GRAMD4: variants seen among roughly 807,000 people sequenced by gnomAD.
GRAMD4 encodes the protein GRAM domain containing 4, also known as GRAM domain-containing protein 4.
In GRAMD4, 25 loss-of-function variants were observed where a neutral mutation model predicts 83.9. The observed-to-expected ratio is 0.30, with a 90% CI of 0.22 to 0.42. The LOEUF is 0.42. Ranked by LOEUF, GRAMD4 falls within the 10% of genes least tolerant of loss-of-function variation. The pLI is 1.00. For missense variants in GRAMD4, 593 were observed against 788.7 expected, an observed-to-expected ratio of 0.75 and a Z score of 2.97; for synonymous variants, 336 against 320.9, an observed-to-expected ratio of 1.05 and a Z score of -0.50.
chr22:46,662,427 G>A (rs1043529418), intron 5 of GRAMD4, among the ~76,000 whole-genome samples: 8 of 152,368 alleles, frequency 5.3e-5, no homozygotes, highest in Non-Finnish European at 8.8e-5. Flanking sequence ...CCCCCCTTCC[G>A]AGGGATTCTT....
intron 1 of GRAMD4, among the ~76,000 whole-genome samples, chr22:46,586,640 A>T (rs1471592116): frequency 6.6e-6 from 1 of 152,240 alleles, no homozygotes; most frequent in African/African-American, 2.4e-5. Flanking sequence ...TACTGCACCC[A>T]GAGCTCTGGT....
chr22:46,580,988 A>AAG (rs1374092657), intron 1 of GRAMD4, among the ~76,000 whole-genome samples: 1 of 151,260 alleles, frequency 6.6e-6, no homozygotes, highest in Non-Finnish European at 1.5e-5. Flanking sequence ...AAAAAAAGAA[A>AAG]GAAAGAAAAA....
rs1189933254 is a variant in GRAMD4, at chr22:46,665,753, GGCTGT to G, written c.809+53_809+57del. On this transcript the variant is annotated intron_variant, in intron 9 of 18. Transcript: ENST00000406902. ...AGCTGCTTTATCCCACCGCATGTATGGCTGTGCTGTCTCCCTGCGTCTCACAACCG... is the reference window on the plus strand; with the variant it reads ...AGCTGCTTTATCCCACCGCATGTATGGCTGTCTCCCTGCGTCTCACAACCG... The G allele has an allele frequency of 9.0e-6, 9 of 998,940 alleles. No individual in the cohort carries two copies. The Admixed American group carries it at 1.6e-4, about 17-fold the overall frequency. The allele number at this position is 998,940 out of a possible 1,614,324, so 61.9% of individuals were successfully genotyped here.
At chr22:46,665,420 C>T (rs1347604934) in intron 8 of GRAMD4, among the ~76,000 whole-genome samples, 195 bp from the exon 9 acceptor site, 3 of 152,220 alleles carry the variant, frequency 2.0e-5, no homozygotes, top group Admixed American at 6.5e-5. Flanking sequence ...TGGCTTCCAC[C>T]GGCGGCTCTT....
chr22:46,682,044 G>A (rs1326987550), downstream of GRAMD4, among the ~76,000 whole-genome samples: 3 of 152,198 alleles, frequency 2.0e-5, no homozygotes, highest in Admixed American at 6.5e-5. Flanking sequence ...CCAGGGAAAG[G>A]GCTGTGCAGC....
intron 3 of GRAMD4, among the ~76,000 whole-genome samples, chr22:46,646,303 G>A (rs2082071727): frequency 6.6e-6 from 1 of 152,218 alleles, no homozygotes; most frequent in African/African-American, 2.4e-5. Context: ...CTGAGCCCCT[G>A]ATGCTCCCAG....
intron 1 of GRAMD4, among the ~76,000 whole-genome samples, chr22:46,600,740 G>A (rs1013550159): frequency 5.9e-5 from 9 of 152,132 alleles, no homozygotes; most frequent in South Asian, 2.1e-4. Context: ...ATTGCCACTC[G>A]CTATTAGAAA....
At chr22:46,604,287 TC>T (rs1601544748) in intron 1 of GRAMD4, among the ~76,000 whole-genome samples, 1 of 152,234 alleles carries the variant, frequency 6.6e-6, no homozygotes, top group South Asian at 2.1e-4. Flanking sequence ...TTGTCTTGGT[TC>T]TTCTAAAATC....
intron 13 of GRAMD4, among the ~76,000 whole-genome samples, chr22:46,669,420 C>T (rs1295320980): frequency 1.4e-5 from 2 of 144,080 alleles, no homozygotes; most frequent in Admixed American, 6.8e-5. Context: ...CGGGCTGTGC[C>T]GGGAGGTGGG....
Position 46,596,841 on chromosome 22 carries a change from A to G in GRAMD4, c.-50+19551A>G, listed in dbSNP as rs146936591. ...GCTGCAATTACAGGTGTGAGCCACC[A>G]TGCCTGGCCCAGATTAGGCTTTAAA... On this transcript the variant is annotated intron_variant, in intron 1 of 1. Transcript: ENST00000431155. 1.3e-3 allele frequency among the ~76,000 whole-genome samples: 198 copies of G among 152,274 alleles called. 2 individuals are homozygous for G. The highest frequency in any genetic ancestry group is 4.4e-3 in the African/African-American group (181 of 41,562).
chr22:46,680,538 ACATCTG>A, downstream of GRAMD4, among the ~76,000 whole-genome samples: 1 of 98,606 alleles, frequency 1.0e-5, no homozygotes, highest in Non-Finnish European at 2.1e-5. Context: ...CCATTCATCC[ACATCTG>A]TCCGTCCGTC....
intron 1 of GRAMD4, among the ~76,000 whole-genome samples, chr22:46,611,140 C>T (rs932233644): frequency 4.6e-5 from 7 of 151,112 alleles, no homozygotes; most frequent in South Asian, 2.1e-4. Context: ...CATTTGAACC[C>T]GGGAGACAGA....
intron 1 of GRAMD4, among the ~76,000 whole-genome samples, chr22:46,580,803 T>A (rs2081090061): frequency 6.6e-6 from 1 of 151,810 alleles, no homozygotes; most frequent in South Asian, 2.1e-4. Flanking sequence ...CCACGTCTAC[T>A]AAAAATACAA....
At chr22:46,667,248 C>T (rs1376509452) in intron 10 of GRAMD4, among the ~76,000 whole-genome samples, 1 of 152,256 alleles carries the variant, frequency 6.6e-6, no homozygotes, top group Non-Finnish European at 1.5e-5. Context: ...CTGTTCCCAT[C>T]TGAGATTCAA....
intron 1 of GRAMD4, among the ~76,000 whole-genome samples, chr22:46,605,367 G>A (rs1601546291): frequency 6.6e-6 from 1 of 152,374 alleles, no homozygotes; most frequent in African/African-American, 2.4e-5. Flanking sequence ...TGAACACTTA[G>A]GTTGCTTCAC....
intron 1 of GRAMD4, among the ~76,000 whole-genome samples, chr22:46,581,008 G>A (rs765059632): frequency 6.6e-6 from 1 of 151,458 alleles, no homozygotes; most frequent in Non-Finnish European, 1.5e-5. Flanking sequence ...AAGAAAATGC[G>A]TGTTTCCCTA....
chr22:46,594,655 A>G (rs1335283440), intron 1 of GRAMD4, among the ~76,000 whole-genome samples: 1 of 151,988 alleles, frequency 6.6e-6, no homozygotes, highest in Non-Finnish European at 1.5e-5. Flanking sequence ...GCTTGGTCTC[A>G]GGACAGTTGG....
chr22:46,677,541 C>G lies in GRAMD4; in HGVS notation c.*290C>G. ...CCCTCGGGGGCCCGTGGAGAAGACA[C>G]ACAGGACCCCTGGCCCTGCCCTTCT... On this transcript the variant is annotated 3_prime_UTR_variant, in exon 19 of 19. Coordinates refer to ENST00000406902, the MANE Select transcript of GRAMD4 (RefSeq NM_015124.5). The G allele has an allele frequency of 8.4e-7, 1 of 1,184,516 alleles. No individual in the cohort carries two copies. The highest frequency in any genetic ancestry group is 1.1e-6 in the Non-Finnish European group (1 of 951,156). 73.4% of individuals were successfully genotyped at this position (1,184,516 alleles called of 1,614,324 possible).
intron 2 of GRAMD4, among the ~76,000 whole-genome samples, chr22:46,629,988 C>A (rs541579212): frequency 1.3e-5 from 2 of 152,124 alleles, no homozygotes; most frequent in East Asian, 3.9e-4. Flanking sequence ...TATGGCTGAA[C>A]CTGTTTCATC....
Sources: allele counts gnomAD v4.1 joint callset (sites outside exome capture counted in the v4.1 genomes callset), GRCh38; gene constraint gnomAD v4.1.1; transcripts MANE v1.5; gene names NCBI Gene and HGNC (gene_info 2026-07-23, HGNC 2026-07-21).